The following SEMA5A variants were observed in gnomAD, a reference collection of about 807,000 sequenced individuals.
The protein encoded by SEMA5A is semaphorin-5A.
In SEMA5A, 55 loss-of-function variants were observed where a neutral mutation model predicts 135.5. The ratio of observed to expected loss-of-function variants is 0.41; its 90% CI spans 0.33 to 0.51. The LOEUF (loss-of-function observed/expected upper bound fraction) is 0.51. SEMA5A is among the 20% of genes least tolerant of loss of function. The pLI, the probability that SEMA5A is intolerant of heterozygous loss-of-function variation, is 0.37. For missense variants in SEMA5A, 1,290 were observed against 1,419.9 expected (o/e 0.91, Z 1.47); for synonymous variants, 580 against 546.5 (o/e 1.06, Z -0.85).
At chr5:9,214,102 G>A (rs1432614119) in intron 8 of SEMA5A, among the ~76,000 whole-genome samples, 1 of 152,204 alleles carries the variant, frequency 6.6e-6, no homozygotes, top group South Asian at 2.1e-4. Flanking sequence ...ATCAAGCAAA[G>A]TGAGGACAAA....
intron 5 of SEMA5A, among the ~76,000 whole-genome samples, chr5:9,315,517 G>T (rs1031509462): frequency 6.6e-6 from 1 of 152,120 alleles, no homozygotes; most frequent in Admixed American, 6.6e-5. Context: ...TTTGGGTCAA[G>T]TATTGCATTT....
At chr5:9,501,657 G>A (rs1393412069) in intron 1 of SEMA5A, among the ~76,000 whole-genome samples, 1 of 152,114 alleles carries the variant, frequency 6.6e-6, no homozygotes. Context: ...GGGCTGCAGG[G>A]GCAGCAGCTG....
intron 1 of SEMA5A, among the ~76,000 whole-genome samples, chr5:9,492,172 C>G (rs150344716): frequency 1.2e-3 from 178 of 152,270 alleles, no homozygotes; most frequent in Non-Finnish European, 2.1e-3. Context: ...GAAAGACAAC[C>G]AACAGCATTC....
intron 8 of SEMA5A, among the ~76,000 whole-genome samples, chr5:9,221,299 C>CTTTT (rs869063755): frequency 1.5e-4 from 15 of 103,220 alleles, no homozygotes; most frequent in South Asian, 6.8e-4. Context: ...CGAACATTTT[C>CTTTT]TTTTTTTTTT....
chr5:9,391,027 T>C (rs529867687), intron 2 of SEMA5A: 2 of 152,326 alleles, frequency 1.3e-5, no homozygotes, highest in South Asian at 4.1e-4. Context: ...CCCAGGGTCA[T>C]CTTGCTGTCC....
chr5:9,336,904 T>C (rs1753417099), intron 4 of SEMA5A, among the ~76,000 whole-genome samples: 1 of 152,234 alleles, frequency 6.6e-6, no homozygotes, highest in Non-Finnish European at 1.5e-5. Flanking sequence ...GTGCCATCCT[T>C]AGATGCCAGA....
At chr5:9,404,035 A>G (rs1756777973) in intron 2 of SEMA5A, among the ~76,000 whole-genome samples, 3 of 152,126 alleles carry the variant, frequency 2.0e-5, no homozygotes, top group Admixed American at 2.0e-4. Context: ...CCCCAGTTCA[A>G]GCAATTCTCC....
chr5:9,220,308 C>A (rs1001145781), intron 8 of SEMA5A, among the ~76,000 whole-genome samples: 7 of 152,084 alleles, frequency 4.6e-5, no homozygotes, highest in African/African-American at 1.4e-4. Context: ...CACTAAATAA[C>A]TTATCCATGT....
chr5:9,181,783 A>C (rs932770231), intron 11 of SEMA5A, among the ~76,000 whole-genome samples: 2 of 152,140 alleles, frequency 1.3e-5, no homozygotes, highest in African/African-American at 4.8e-5. Context: ...TGACAGGTGC[A>C]AAACTGTCTG....
chr5:9,483,822 G>C (rs1759973530), intron 1 of SEMA5A, among the ~76,000 whole-genome samples: 1 of 152,144 alleles, frequency 6.6e-6, no homozygotes, highest in Non-Finnish European at 1.5e-5. Flanking sequence ...AATACGCAAA[G>C]CCTTGGGGGG....
At chr5:9,535,136 T>C (rs979507397) in intron 1 of SEMA5A, among the ~76,000 whole-genome samples, 3 of 152,232 alleles carry the variant, frequency 2.0e-5, no homozygotes, top group African/African-American at 7.2e-5. Context: ...AGGGCTTTCC[T>C]ATGCAGCAAG....
chr5:9,192,879 T>A (rs1351798767), intron 10 of SEMA5A, among the ~76,000 whole-genome samples: 2 of 151,920 alleles, frequency 1.3e-5, no homozygotes, highest in South Asian at 4.2e-4. Context: ...TAAAAAAAAA[T>A]TGGTATCTTG....
intron 1 of SEMA5A, among the ~76,000 whole-genome samples, chr5:9,484,941 A>G (rs1333968067): frequency 6.6e-6 from 1 of 152,344 alleles, no homozygotes; most frequent in East Asian, 1.9e-4. Flanking sequence ...TATAACAAAT[A>G]AAGATACTGG....
intron 16 of SEMA5A, among the ~76,000 whole-genome samples, chr5:9,082,324 G>A (rs16881943): frequency 0.1 from 15,236 of 152,160 alleles, 913 homozygotes; most frequent in African/African-American, 0.15. Context: ...TTTTAATGGG[G>A]AAAATTGTCT....
chr5:9,436,925 G>A (rs765015325), intron 2 of SEMA5A, among the ~76,000 whole-genome samples: 35 of 149,044 alleles, frequency 2.3e-4, no homozygotes, highest in Non-Finnish European at 4.2e-4. Flanking sequence ...AAACAAGCAC[G>A]ATTCGTGGTG....
intron 2 of SEMA5A, among the ~76,000 whole-genome samples, chr5:9,384,899 T>C (rs1755821821): frequency 6.6e-6 from 1 of 152,190 alleles, no homozygotes. Context: ...TTTCAAGATA[T>C]ATGAAATTCC....
intron 2 of SEMA5A, among the ~76,000 whole-genome samples, chr5:9,430,013 GGGACCA>G (rs1463625585): frequency 1.3e-5 from 2 of 152,196 alleles, no homozygotes; most frequent in Non-Finnish European, 2.9e-5. Context: ...AGAACTCACG[GGGACCA>G]AGTTGCTGGG....
At chr5:9,119,224 T>C in intron 14 of SEMA5A, 83 bp from the exon 15 acceptor site, 1 of 1,523,728 alleles carries the variant, frequency 6.6e-7, no homozygotes, top group Non-Finnish European at 8.9e-7. Context: ...CAAATGCCTG[T>C]GTTCCTCAGG....
At chr5:9,421,734 T>C (rs1757477199) in intron 2 of SEMA5A, among the ~76,000 whole-genome samples, 1 of 152,202 alleles carries the variant, frequency 6.6e-6, no homozygotes, top group Non-Finnish European at 1.5e-5. Context: ...AAGAATGATA[T>C]CTCATTTGAA....
Sources: gnomAD v4.1 joint callset for allele counts (sites outside exome capture counted in the v4.1 genomes callset) on GRCh38, gnomAD v4.1.1 for gene constraint, MANE v1.5 for transcripts, NCBI Gene and HGNC (gene_info 2026-07-23, HGNC 2026-07-21) for gene names.